WDFY3: variants seen among roughly 807,000 people sequenced by gnomAD.
The protein encoded by WDFY3 is WD repeat and FYVE domain-containing protein 3.
A neutral mutation model predicts 409.6 loss-of-function variants in WDFY3; 66 were observed. The observed-to-expected ratio is 0.16, with a 90% CI of 0.13 to 0.20. The LOEUF (loss-of-function observed/expected upper bound fraction) is 0.20. WDFY3 is among the 10% of genes least tolerant of loss of function. The pLI is 1.00. For synonymous variants in WDFY3, 1,521 were observed against 1,537.1 expected (o/e 0.99, Z 0.25); for missense variants, 3,031 against 4,298.1 (o/e 0.71, Z 8.24).
chr4:84,678,827 G>T, intron 65 of WDFY3, 92 bp downstream of exon 65: 1 of 1,396,444 alleles, frequency 7.2e-7, no homozygotes. Context: ...ATCCAGGGTG[G>T]GGCCCAGGGA....
At chr4:84,816,342 A>G (rs992197774) in intron 13 of WDFY3, among the ~76,000 whole-genome samples, 3 of 152,164 alleles carry the variant, frequency 2.0e-5, no homozygotes, top group Non-Finnish European at 4.4e-5. Context: ...CTGAAAGCAC[A>G]GCTTTACAAA....
At chr4:84,895,967 G>C (rs1765571275) in intron 3 of WDFY3, among the ~76,000 whole-genome samples, 1 of 152,038 alleles carries the variant, frequency 6.6e-6, no homozygotes, top group Non-Finnish European at 1.5e-5. Context: ...GAAATAAAAG[G>C]ATGAAAGAGG....
intron 43 of WDFY3, among the ~76,000 whole-genome samples, chr4:84,734,638 A>T (rs1737133324): frequency 6.6e-6 from 1 of 152,232 alleles, no homozygotes; most frequent in African/African-American, 2.4e-5. Context: ...AATTTCATTC[A>T]ATCTTGTAAT....
chr4:84,878,795 A>G (rs1176069625), intron 3 of WDFY3, among the ~76,000 whole-genome samples: 1 of 152,178 alleles, frequency 6.6e-6, no homozygotes, highest in Non-Finnish European at 1.5e-5. Context: ...CTTCCTCAAA[A>G]TATCTTCTGC....
At chr4:84,880,924 T>C (rs1763450420) in intron 3 of WDFY3, among the ~76,000 whole-genome samples, 2 of 151,310 alleles carry the variant, frequency 1.3e-5, no homozygotes, top group South Asian at 4.2e-4. Context: ...GGTTTCGCCA[T>C]GTTGACCAGG....
chr4:84,778,489 G>C lies in WDFY3; in HGVS notation c.4518+14C>G. ...TCATTGATTATATATTATCAATTAT[G>C]CTTATATACATACTTCAAAATCACA... On this transcript the variant is annotated intron_variant, in intron 27 of 67. Transcript: ENST00000295888. 6.4e-7 allele frequency: 1 copy of C among 1,573,622 alleles called. No individual in the cohort carries two copies. The highest frequency in any genetic ancestry group is 8.6e-7 in the Non-Finnish European group (1 of 1,164,692).
At chr4:84,939,290 G>T (rs1165758402) in intron 1 of WDFY3, among the ~76,000 whole-genome samples, 3 of 152,186 alleles carry the variant, frequency 2.0e-5, no homozygotes, top group Admixed American at 6.5e-5. Flanking sequence ...AGGAGATGAT[G>T]TGTCCCCTCA....
chr4:84,722,944 C>T (rs966836948), intron 46 of WDFY3, among the ~76,000 whole-genome samples: 3 of 152,220 alleles, frequency 2.0e-5, no homozygotes, highest in Admixed American at 6.5e-5. Context: ...GGAAAGCTTA[C>T]AGCTGCTTTA....
At position 84,841,163 on chromosome 4, in the gene WDFY3, G is replaced by A; in HGVS notation, c.405C>T (p.Ser135=). The A allele has an allele frequency of 6.2e-7, 1 of 1,608,722 alleles. No homozygotes were observed. Among genetic ancestry groups the A allele is most frequent in the Non-Finnish European group, 8.5e-7 (1 of 1,179,006 alleles). Residue 135 remains serine (S), a synonymous_variant, in exon 6 of 68, where the codon TCC becomes TCT. Transcript: ENST00000295888. ...MLLTTINLLA[S]SGQKTVDCMT... ...AAAACTAAGAACTTACCTGACCAGA[G>A]GAAGCTAACAAATTAATTGTCGTTA...
chr4:84,731,027 C>T (rs1342461520), intron 44 of WDFY3, among the ~76,000 whole-genome samples: 1 of 152,146 alleles, frequency 6.6e-6, no homozygotes, highest in African/African-American at 2.4e-5. Context: ...GAACTCCCGA[C>T]CTCAGGTGAT....
At chr4:84,916,202 G>C (rs1333508723) in intron 2 of WDFY3, among the ~76,000 whole-genome samples, 1 of 152,004 alleles carries the variant, frequency 6.6e-6, no homozygotes. Flanking sequence ...CAAAACACAG[G>C]CAAAAGGTAA....
At chr4:84,808,563 A>G (rs543071909) in intron 14 of WDFY3, 146 bp from the exon 15 acceptor site, 24 of 634,434 alleles carry the variant, frequency 3.8e-5, no homozygotes, top group South Asian at 3.1e-4. Context: ...GAACAAGACT[A>G]CAACACAAGC....
chr4:84,844,587 T>G, intron 5 of WDFY3: 1 of 1,174,706 alleles, frequency 8.5e-7, no homozygotes, highest in Non-Finnish European at 1.1e-6. Context: ...AGTACTGGGG[T>G]CAACATCATC....
At chr4:84,748,627 C>T (rs545270411) in intron 36 of WDFY3, among the ~76,000 whole-genome samples, 1 of 152,138 alleles carries the variant, frequency 6.6e-6, no homozygotes, top group Non-Finnish European at 1.5e-5. Context: ...CACTACTTCC[C>T]TTGTATTTGG....
At chr4:84,787,345 G>A in intron 23 of WDFY3, 137 bp downstream of exon 23, 1 of 762,848 alleles carries the variant, frequency 1.3e-6, no homozygotes, top group Non-Finnish European at 2.1e-6. Context: ...ATAGGAGTGA[G>A]TATCCTGCTG....
At chr4:84,964,476 A>G (rs1351457103) in intron 1 of WDFY3, among the ~76,000 whole-genome samples, 1 of 152,252 alleles carries the variant, frequency 6.6e-6, no homozygotes, top group Non-Finnish European at 1.5e-5. Context: ...CTCTAAAAAA[A>G]GAAATAAATA....
At position 84,809,869 on chromosome 4, in the gene WDFY3, G is replaced by C; in HGVS notation, c.2345+18C>G. 1 of 1,608,456 alleles carries C rather than the reference G, an allele frequency of 6.2e-7. No homozygotes were observed. Among genetic ancestry groups the C allele is most frequent in the African/African-American group, 1.3e-5 (1 of 74,654 alleles). On this transcript the variant is annotated intron_variant, in intron 14 of 67. Coordinates refer to ENST00000295888, the MANE Select transcript of WDFY3 (RefSeq NM_014991.6). ...TTAGTATACACCCTTTAATTCAGAG[G>C]ACAGAGCAGAGCCATACCTGTCAAA...
In WDFY3 at chr4:84,830,546, C is replaced by T. The variant is rs544163659; in HGVS notation, c.769+867G>A. On this transcript the variant is annotated intron_variant, in intron 8 of 67. Coordinates refer to ENST00000295888, the MANE Select transcript of WDFY3 (RefSeq NM_014991.6). Reference sequence around the variant, plus strand: ...ATGGGTTTATTGGGACATAACCCCACCATAAATTGAGGAGCATCTGTGTAT... The same window carrying T: ...ATGGGTTTATTGGGACATAACCCCATCATAAATTGAGGAGCATCTGTGTAT... Among the ~76,000 whole-genome samples the T allele has an allele frequency of 3.9e-5, 6 of 152,270 alleles. No homozygotes were observed. The East Asian group carries it at 1.2e-3, about 29-fold the overall frequency.
At chr4:84,928,964 C>G (rs527934360) in intron 2 of WDFY3, among the ~76,000 whole-genome samples, 2 of 152,240 alleles carry the variant, frequency 1.3e-5, no homozygotes, top group South Asian at 4.2e-4. Context: ...TTGTGTAATC[C>G]CCTCTCCTTG....
Sources: gnomAD v4.1 joint callset for allele counts (sites outside exome capture counted in the v4.1 genomes callset) on GRCh38, gnomAD v4.1.1 for gene constraint, MANE v1.5 for transcripts, NCBI Gene and HGNC (gene_info 2026-07-23, HGNC 2026-07-21) for gene names.